The following GRIK5 variants were observed in gnomAD, a reference collection of about 807,000 sequenced individuals.
The protein encoded by GRIK5 is glutamate receptor ionotropic, kainate 5.
In GRIK5, 43 loss-of-function variants were observed where a neutral mutation model predicts 97.4. The observed-to-expected ratio is 0.44, with a 90% confidence interval of 0.35 to 0.57. GRIK5 has a LOEUF of 0.57. GRIK5 is among the 20% of genes least tolerant of loss of function. GRIK5 has a pLI of 0.01. For missense variants in GRIK5, 1,015 were observed against 1,382.0 expected, an observed-to-expected ratio of 0.73 and a Z score of 4.21; for synonymous variants, 580 against 583.5, an observed-to-expected ratio of 0.99 and a Z score of 0.09.
At chr19:42,053,559 T>A in intron 11 of GRIK5, 43 bp downstream of exon 11, 1 of 1,182,374 alleles carries the variant, frequency 8.5e-7, no homozygotes, top group Non-Finnish European at 1.3e-6. Context: ...AGGACTGGGC[T>A]CAGGGCAGCG....
At chr19:42,036,146 G>C (rs558513704) in intron 12 of GRIK5, among the ~76,000 whole-genome samples, 63 of 149,352 alleles carry the variant, frequency 4.2e-4, no homozygotes, top group Non-Finnish European at 6.7e-4. Flanking sequence ...TGTAACCTTC[G>C]CCTCCCAGGT....
In GRIK5 at chr19:42,022,108, C is replaced by T; in HGVS notation, c.1588-52G>A. The T allele has an allele frequency of 6.9e-7, 1 of 1,453,292 alleles. No individual in the cohort carries two copies. The highest frequency in any genetic ancestry group is 1.2e-5 in the South Asian group (1 of 85,606). 90.0% of individuals were successfully genotyped at this position (1,453,292 alleles called of 1,614,324 possible). ...AGACACCCCTGGCCTGAGCCTCACA[C>T]CCAGCCCCTGCCCTACCAGGGACCT... On this transcript the variant is annotated intron_variant, in intron 13 of 19. Coordinates refer to ENST00000593562, the MANE Select transcript of GRIK5 (RefSeq NM_002088.5). The surrounding 1 kb of genome is among the most constrained non-coding windows in gnomAD (Gnocchi z 4.2).
intron 1 of GRIK5, chr19:42,068,865 A>G: frequency 1.5e-6 from 1 of 684,790 alleles, no homozygotes; most frequent in East Asian, 2.8e-5. Flanking sequence ...GGCCCACCGC[A>G]GGCAGAGGAT....
rs1223143493 is a variant in GRIK5, at chr19:42,069,607, T to C, written c.-417A>G. ...AGGCAAAGCCGGGGGAGGGGGAAGC[T>C]GGCCCAGGAAAGGGCCCCCGCCCCC... On this transcript the variant is annotated 5_prime_UTR_variant, in exon 1 of 20. Coordinates refer to ENST00000593562, the MANE Select transcript of GRIK5 (RefSeq NM_002088.5). 8.2e-6 allele frequency: 1 copy of C among 122,056 alleles called. No individual in the cohort carries two copies. Among genetic ancestry groups the C allele is most frequent in the African/African-American group, 3.2e-5 (1 of 31,704 alleles). 7.6% of individuals were successfully genotyped at this position (122,056 alleles called of 1,614,324 possible).
At position 42,062,521 on chromosome 19, in the gene GRIK5, G is replaced by A. The variant is rs267605507; in HGVS notation, c.475C>T (p.Pro159Ser). ...VSRILKSFNY[P>S]SASLICAKAE... ...TTGGCGCAGATGAGGCTGGCCGAGG[G>A]GTAGTTGAAGGACTTGAGGATTCGG... The change falls in exon 5 of 20, where the codon CCC (proline) becomes TCC (serine). Residue 159 changes from proline to serine, a missense_variant. This residue lies in a region of GRIK5 where 198 missense variants were observed against 218.2 expected (regional missense o/e 0.91). Transcript: ENST00000593562. The surrounding 1 kb of genome is among the most constrained non-coding windows in gnomAD (Gnocchi z 5.3). 2.5e-6 allele frequency: 4 copies of A among 1,614,036 alleles called. No homozygotes were observed. Among genetic ancestry groups the A allele is most frequent in the Non-Finnish European group, 3.4e-6 (4 of 1,180,018 alleles).
Position 42,062,675 on chromosome 19 carries a change from G to GGGCTGGGCGGAGAAGCAGGAAACAC in GRIK5, c.343-23_343-22insGTGTTTCCTGCTTCTCCGCCCAGCC. 1 of 1,613,722 alleles carries GGGCTGGGCGGAGAAGCAGGAAACAC rather than the reference G, an allele frequency of 6.2e-7. No homozygotes were observed. Among genetic ancestry groups the GGGCTGGGCGGAGAAGCAGGAAACAC allele is most frequent in the Non-Finnish European group, 8.5e-7 (1 of 1,179,736 alleles). ...GGATCTGGACAGAGAGGAAACTTTG[G>GGGCTGGGCGGAGAAGCAGGAAACAC]CCTCCATCCTGCTTCTCCGCCCAGC... On this transcript the variant is annotated intron_variant, in intron 4 of 19. Transcript: ENST00000593562. This position sits in a 1 kb window ranked among gnomAD's most constrained non-coding sequence, Gnocchi z 5.3.
intron 12 of GRIK5, among the ~76,000 whole-genome samples, chr19:42,024,291 C>T (rs1327747064): frequency 6.6e-6 from 1 of 151,496 alleles, no homozygotes; most frequent in Non-Finnish European, 1.5e-5. Context: ...CAGGTCACTG[C>T]AACTTCTGCC....
At chr19:42,010,469 G>T (rs2075548275) in intron 15 of GRIK5, among the ~76,000 whole-genome samples, 1 of 152,192 alleles carries the variant, frequency 6.6e-6, no homozygotes, top group Admixed American at 6.5e-5. Flanking sequence ...AGATAACAGT[G>T]CCAGTCGACT....
In GRIK5 at chr19:42,042,779, G is replaced by A. The variant is rs773360043; in HGVS notation, c.1270-24C>T. 5.0e-6 allele frequency: 8 copies of A among 1,592,182 alleles called. No homozygotes were observed. The Admixed American group carries it at 6.8e-5, about 14-fold the overall frequency. On this transcript the variant is annotated intron_variant, in intron 11 of 19. Coordinates refer to ENST00000593562, the MANE Select transcript of GRIK5 (RefSeq NM_002088.5). This position sits in a 1 kb window ranked among gnomAD's most constrained non-coding sequence, Gnocchi z 6.9. The stretch of plus-strand genomic sequence containing the variant: ...TCCTGGGTGGGCAGAAGAAAGCAGG[G>A]GTCAGAGGCTGGGTGTCTAGTGGCT...
intron 5 of GRIK5, 98 bp from the exon 6 acceptor site, chr19:42,059,625 A>T: frequency 2.8e-6 from 3 of 1,061,906 alleles, no homozygotes; most frequent in Non-Finnish European, 4.1e-6. Flanking sequence ...TGGGCAGAGG[A>T]CTGGAGGGTG....
chr19:41,999,141 G>A lies in GRIK5; in HGVS notation c.2673C>T (p.Tyr891=). The change falls in exon 20 of 20, where the codon TAC becomes TAT. Residue 891 remains tyrosine, a synonymous_variant. Transcript: ENST00000593562. This position sits in a 1 kb window ranked among gnomAD's most constrained non-coding sequence, Gnocchi z 5.0. ...REMRLSNGKL[Y]SAGAGGDAGS... ...CCGCATCCCCGCCCGCGCCGGCCGA[G>A]TAGAGCTTGCCGTTGCTGAGGCGCA... is the stretch of plus-strand genomic sequence containing the variant. 2 of 1,484,448 alleles carry A rather than the reference G, an allele frequency of 1.3e-6. No individual in the cohort carries two copies. The highest frequency in any genetic ancestry group is 1.8e-6 in the Non-Finnish European group (2 of 1,126,152). 92.0% of individuals were successfully genotyped at this position (1,484,448 alleles called of 1,614,324 possible).
Position 42,053,924 on chromosome 19 carries a change from C to T in GRIK5, c.1062G>A (p.Glu354=). ...TSLMNYLRMV[E]YDGLTGRVEF... ...CGACCCGCCCGGTCAGCCCATCATACTCTACCTGGCAGGGTGGGGAGGTGG... is the reference window on the plus strand; with the variant it reads ...CGACCCGCCCGGTCAGCCCATCATATTCTACCTGGCAGGGTGGGGAGGTGG... Residue 354 remains glutamate (E), a synonymous_variant, in exon 10 of 20, where the codon GAG becomes GAA. Coordinates refer to ENST00000593562, the MANE Select transcript of GRIK5 (RefSeq NM_002088.5). 1 of 1,611,316 alleles carries T rather than the reference C, an allele frequency of 6.2e-7. No homozygotes were observed. The highest frequency in any genetic ancestry group is 8.5e-7 in the Non-Finnish European group (1 of 1,177,538).
In GRIK5 at chr19:41,998,561, C is replaced by T. The variant is rs1278856730; in HGVS notation, c.*310G>A. 1.3e-5 allele frequency: 2 copies of T among 157,128 alleles called. No homozygotes were observed. The highest frequency in any genetic ancestry group is 2.1e-4 in the South Asian group (1 of 4,864). The allele number at this position is 157,128 out of a possible 1,614,324, so 9.7% of individuals were successfully genotyped here. On this transcript the variant is annotated 3_prime_UTR_variant, in exon 20 of 20. Transcript: ENST00000593562. Reference sequence around the variant, plus strand: ...CAAGTCTTGGGGAGCCTGAGCAGTCCCAGAATGGGGTCCTCTCCGCTGACT... The same window carrying T: ...CAAGTCTTGGGGAGCCTGAGCAGTCTCAGAATGGGGTCCTCTCCGCTGACT...
chr19:42,046,878 C>T (rs2076049268), intron 11 of GRIK5, among the ~76,000 whole-genome samples: 1 of 151,834 alleles, frequency 6.6e-6, no homozygotes, highest in African/African-American at 2.4e-5. Context: ...AACTTCTGTC[C>T]CTTCCCCAAT....
At chr19:42,052,349 C>G (rs74560136) in intron 11 of GRIK5, among the ~76,000 whole-genome samples, 1 of 151,988 alleles carries the variant, frequency 6.6e-6, no homozygotes, top group Non-Finnish European at 1.5e-5. Flanking sequence ...CACACCACAG[C>G]ACAGAGGGTC....
At chr19:42,048,388 G>A (rs764957993) in intron 11 of GRIK5, among the ~76,000 whole-genome samples, 3 of 152,028 alleles carry the variant, frequency 2.0e-5, no homozygotes, top group Non-Finnish European at 2.9e-5. Flanking sequence ...TTGGGAGGCC[G>A]AGGTGGGCAG....
chr19:42,069,892 GGGAGACCC>G lies in GRIK5; in HGVS notation c.-710_-703del, dbSNP rs1039535327. On this transcript the variant is annotated 5_prime_UTR_variant, in exon 1 of 20. Transcript: ENST00000593562. The stretch of plus-strand genomic sequence containing the variant: ...GGAGAGCTGGGGAGGATGGAGAGCT[GGGAGACCC>G]GGAGAGGCCAAGAAGGGGGCAAATG... 1.3e-5 allele frequency among the ~76,000 whole-genome samples: 2 copies of G among 152,152 alleles called. No individual in the cohort carries two copies. The highest frequency in any genetic ancestry group is 1.3e-4 in the Admixed American group (2 of 15,284).
chr19:42,004,812 C>A (rs1385522332), intron 17 of GRIK5, among the ~76,000 whole-genome samples: 2 of 152,134 alleles, frequency 1.3e-5, no homozygotes, highest in Admixed American at 1.3e-4. Flanking sequence ...CAGGGTCTTG[C>A]TATATTGCCC....
chr19:42,054,258 T>C, intron 9 of GRIK5, 62 bp downstream of exon 9: 2 of 1,542,742 alleles, frequency 1.3e-6, no homozygotes, highest in Non-Finnish European at 1.8e-6. Context: ...GTGGTCACAG[T>C]GAGCGCTCCC....
Sources: allele counts gnomAD v4.1 joint callset (sites outside exome capture counted in the v4.1 genomes callset), GRCh38; gene constraint gnomAD v4.1.1; regional missense constraint gnomAD v4.1.1; non-coding constraint Gnocchi (gnomAD v3.1); transcripts MANE v1.5; gene names NCBI Gene and HGNC (gene_info 2026-07-23, HGNC 2026-07-21).